The following SULF2 variants were observed in gnomAD, a reference collection of about 807,000 sequenced individuals.
SULF2 encodes extracellular sulfatase Sulf-2.
In SULF2, 52 loss-of-function variants were observed where a neutral mutation model predicts 107.7. The ratio of observed to expected loss-of-function variants is 0.48; its 90% CI spans 0.39 to 0.61. The LOEUF (loss-of-function observed/expected upper bound fraction) is 0.61, where lower values mean the gene tolerates loss of function less well. SULF2 is among the 20% of genes least tolerant of loss of function. The probability of loss-of-function intolerance (pLI) is 0.00; values close to 1 mark genes in which losing one functional copy is unlikely to be tolerated. For synonymous variants in SULF2, 460 were observed against 464.3 expected, an observed-to-expected ratio of 0.99 and a Z score of 0.12; for missense variants, 993 against 1,177.3, an observed-to-expected ratio of 0.84 and a Z score of 2.29.
chr20:47,696,259 G>T (rs1226602526), intron 4 of SULF2, among the ~76,000 whole-genome samples: 6 of 152,194 alleles, frequency 3.9e-5, no homozygotes, highest in East Asian at 1.9e-4. Flanking sequence ...TGTGTAAAAT[G>T]ATTCAAACAG....
At chr20:47,664,277 T>G in intron 14 of SULF2, 88 bp from the exon 15 acceptor site, 1 of 1,335,200 alleles carries the variant, frequency 7.5e-7, no homozygotes, top group Non-Finnish European at 1.0e-6. Context: ...GGGACTCCCA[T>G]GTGTTGCTGC....
chr20:47,743,519 G>A (rs747635259), intron 2 of SULF2, among the ~76,000 whole-genome samples: 2 of 152,092 alleles, frequency 1.3e-5, no homozygotes, highest in Non-Finnish European at 2.9e-5. Context: ...CACGTTGCCC[G>A]GGCTGGTCTT....
At chr20:47,692,649 T>C (rs1043423761) in intron 4 of SULF2, among the ~76,000 whole-genome samples, 13 of 152,128 alleles carry the variant, frequency 8.5e-5, no homozygotes, top group Non-Finnish European at 1.8e-4. Flanking sequence ...TAACAGTGGT[T>C]AGCCCAAGTA....
chr20:47,674,236 C>T (rs1379217574), intron 10 of SULF2, among the ~76,000 whole-genome samples: 1 of 152,262 alleles, frequency 6.6e-6, no homozygotes, highest in Non-Finnish European at 1.5e-5. Context: ...CCACATGGCC[C>T]GTCCCGAGGC....
At chr20:47,660,184 T>C (rs2146374905) in intron 18 of SULF2, among the ~76,000 whole-genome samples, 1 of 152,308 alleles carries the variant, frequency 6.6e-6, no homozygotes, top group Middle Eastern at 3.4e-3. Flanking sequence ...TACTCCTCCA[T>C]AAAATGAGGA....
chr20:47,707,053 A>C (rs1357892469), intron 3 of SULF2: 1 of 152,044 alleles, frequency 6.6e-6, no homozygotes, highest in Non-Finnish European at 1.5e-5. Flanking sequence ...GCAGTGGTGT[A>C]ATCTCAGCTC....
intron 5 of SULF2, among the ~76,000 whole-genome samples, chr20:47,688,119 C>CG (rs1325819741): frequency 1.3e-5 from 2 of 151,870 alleles, no homozygotes; most frequent in Non-Finnish European, 2.9e-5. Context: ...AAGGCCTGCC[C>CG]CAGGAAAGGG....
intron 3 of SULF2, among the ~76,000 whole-genome samples, chr20:47,714,378 G>GCTA (rs1367166608): frequency 6.6e-6 from 1 of 152,090 alleles, no homozygotes; most frequent in African/African-American, 2.4e-5. Context: ...GTGGGTCAAG[G>GCTA]CTACGCACCA....
At chr20:47,725,943 T>C (rs989552060) in intron 3 of SULF2, among the ~76,000 whole-genome samples, 2 of 152,172 alleles carry the variant, frequency 1.3e-5, no homozygotes, top group Non-Finnish European at 2.9e-5. Context: ...CCGGGATGGA[T>C]GGTGTCTGCT....
In SULF2 at chr20:47,666,367, G is replaced by C. The variant is rs1476159358; in HGVS notation, c.1698C>G (p.His566Gln). Residue 566 changes from histidine (H) to glutamine (Q), a missense_variant, in exon 12 of 21, where the codon CAC becomes CAG. Transcript: ENST00000688720. This position sits in a 1 kb window ranked among gnomAD's most constrained non-coding sequence, Gnocchi z 5.4. ...CTTGGTCCTCAGGGGCCCCTGGCCAGTGCCGCTTGGTGAGGTTTCGGGGCT... is the reference window on the plus strand; with the variant it reads ...CTTGGTCCTCAGGGGCCCCTGGCCACTGCCGCTTGGTGAGGTTTCGGGGCT... ...AAQPRNLTKR[H>Q]WPGAPEDQDD... 3 of 1,614,194 alleles carry C rather than the reference G, an allele frequency of 1.9e-6. No homozygotes were observed. The highest frequency in any genetic ancestry group is 2.5e-6 in the Non-Finnish European group (3 of 1,180,062).
chr20:47,663,043 C>G (rs766374062), intron 17 of SULF2, 27 bp downstream of exon 17: 23 of 1,613,808 alleles, frequency 1.4e-5, no homozygotes, highest in Non-Finnish European at 1.9e-5. Flanking sequence ...CCCACACCCC[C>G]ATCCCTCTAG....
chr20:47,697,345 G>A (rs995406611), intron 4 of SULF2, among the ~76,000 whole-genome samples: 2 of 152,236 alleles, frequency 1.3e-5, no homozygotes, highest in African/African-American at 4.8e-5. Context: ...AGAGTCCTCA[G>A]AGGCCTTCTG....
intron 3 of SULF2, among the ~76,000 whole-genome samples, chr20:47,714,322 C>T (rs62201694): frequency 0.14 from 21,609 of 152,178 alleles, 1,775 homozygotes; most frequent in East Asian, 0.25. Context: ...CACTTCACAC[C>T]GGCCTCTTGA....
chr20:47,736,110 C>A (rs1232400948), intron 3 of SULF2, among the ~76,000 whole-genome samples: 4 of 152,154 alleles, frequency 2.6e-5, no homozygotes, highest in Non-Finnish European at 5.9e-5. Context: ...AGACAACCAG[C>A]CTGGCAGGTG....
intron 11 of SULF2, among the ~76,000 whole-genome samples, chr20:47,670,655 GT>G: frequency 8.9e-6 from 1 of 112,114 alleles, no homozygotes; most frequent in African/African-American, 3.7e-5. Flanking sequence ...CTGAGAACGG[GT>G]GGGAGAATGG....
intron 18 of SULF2, 130 bp downstream of exon 18, chr20:47,661,643 T>G (rs2087070705): frequency 3.0e-6 from 3 of 984,346 alleles, no homozygotes; most frequent in Non-Finnish European, 4.2e-6. Flanking sequence ...CTCCCATGAC[T>G]CGTCTGGAAC....
intron 1 of SULF2, among the ~76,000 whole-genome samples, chr20:47,769,198 G>A (rs571005622): frequency 4.7e-4 from 71 of 152,008 alleles, no homozygotes; most frequent in African/African-American, 1.7e-3. Flanking sequence ...CCACCACCAC[G>A]CCCGCTAATT....
chr20:47,668,227 G>A lies in SULF2; in HGVS notation c.1577-1739C>T, dbSNP rs145445911. ...CTCCATCTCCCAGCTCTAGATTCAG[G>A]GGTCCCTAAACCATGGCCTAAGGGC... On this transcript the variant is annotated intron_variant, in intron 11 of 20. Coordinates refer to ENST00000688720, the MANE Select transcript of SULF2 (RefSeq NM_001387048.1). 2.1e-3 allele frequency among the ~76,000 whole-genome samples: 319 copies of A among 152,308 alleles called. 1 individual carries two copies. The highest frequency in any genetic ancestry group is 1.8e-3 in the Non-Finnish European group (124 of 68,038).
intron 1 of SULF2, among the ~76,000 whole-genome samples, chr20:47,784,089 G>T (rs1016171401): frequency 6.6e-6 from 1 of 152,120 alleles, no homozygotes; most frequent in African/African-American, 2.4e-5. Flanking sequence ...AGATCCGGGG[G>T]TGTCCTCCAG....
Sources: allele counts gnomAD v4.1 joint callset (sites outside exome capture counted in the v4.1 genomes callset), GRCh38; gene constraint gnomAD v4.1.1; non-coding constraint Gnocchi (gnomAD v3.1); transcripts MANE v1.5; gene names NCBI Gene and HGNC (gene_info 2026-07-23, HGNC 2026-07-21).